The following ACBD6 variants were observed in gnomAD, a reference collection of about 807,000 sequenced individuals.
ACBD6 encodes acyl-CoA binding domain containing 6, also known as acyl-CoA-binding domain-containing protein 6.
ACBD6 carries 28 observed loss-of-function variants against 37.2 expected under a neutral mutation model. The ratio of observed to expected loss-of-function variants is 0.75; its 90% CI spans 0.56 to 1.03. ACBD6 has a LOEUF of 1.03. ACBD6 is among the 50% of genes least tolerant of loss of function. The pLI, the probability that ACBD6 is intolerant of heterozygous loss-of-function variation, is 0.00. For missense variants in ACBD6, 340 were observed against 337.4 expected, an observed-to-expected ratio of 1.01 and a Z score of -0.06; for synonymous variants, 113 against 126.8, an observed-to-expected ratio of 0.89 and a Z score of 0.73.
At chr1:180,430,828 G>A (rs972469263) in intron 3 of ACBD6, among the ~76,000 whole-genome samples, 4 of 151,932 alleles carry the variant, frequency 2.6e-5, no homozygotes, top group African/African-American at 7.3e-5. Context: ...GATTCAACAC[G>A]TCTTGCCCCT....
At chr1:180,373,573 C>A (rs1653335833) in intron 6 of ACBD6, among the ~76,000 whole-genome samples, 1 of 152,062 alleles carries the variant, frequency 6.6e-6, no homozygotes, top group African/African-American at 2.4e-5. Context: ...ATGTTTAACC[C>A]ATAATCCATT....
intron 6 of ACBD6, among the ~76,000 whole-genome samples, chr1:180,375,573 G>A (rs1243514883): frequency 6.6e-6 from 1 of 152,112 alleles, no homozygotes; most frequent in African/African-American, 2.4e-5. Context: ...GGATCATCCT[G>A]CCTTGACCTC....
intron 6 of ACBD6, among the ~76,000 whole-genome samples, chr1:180,323,448 GTTTC>G (rs1651149436): frequency 6.6e-6 from 1 of 151,980 alleles, no homozygotes; most frequent in Admixed American, 6.5e-5. Flanking sequence ...TAAGTCTGAT[GTTTC>G]TTTGATTTTC....
intron 2 of ACBD6, among the ~76,000 whole-genome samples, chr1:180,493,386 C>T (rs542436862): frequency 1.2e-3 from 180 of 152,094 alleles, no homozygotes; most frequent in African/African-American, 3.9e-3. Flanking sequence ...CATCTACCCC[C>T]CTGCCCCCAC....
intron 6 of ACBD6, among the ~76,000 whole-genome samples, chr1:180,393,631 T>A (rs1654156003): frequency 1.3e-5 from 2 of 152,196 alleles, no homozygotes; most frequent in African/African-American, 4.8e-5. Context: ...GAAAAGCGTT[T>A]TCAATAACAA....
chr1:180,434,015 TCTC>T (rs1339782928), intron 3 of ACBD6, among the ~76,000 whole-genome samples: 2 of 151,966 alleles, frequency 1.3e-5, no homozygotes, highest in Non-Finnish European at 2.9e-5. Flanking sequence ...ACCCTACACA[TCTC>T]CTTGTAAACC....
chr1:180,270,248 G>A (rs1334973442), exon 14 of ACBD6: 1 of 152,264 alleles, frequency 6.6e-6, no homozygotes. Flanking sequence ...GCTAACACAT[G>A]TTGGCTACTA....
chr1:180,443,090 G>C (rs991168147), intron 3 of ACBD6, among the ~76,000 whole-genome samples: 1 of 151,846 alleles, frequency 6.6e-6, no homozygotes, highest in Non-Finnish European at 1.5e-5. Context: ...GGATTTTGTT[G>C]TGTTCCTTTA....
At chr1:180,279,668 C>T (rs1456886431) in intron 9 of ACBD6, among the ~76,000 whole-genome samples, 1 of 152,102 alleles carries the variant, frequency 6.6e-6, no homozygotes, top group East Asian at 1.9e-4. Flanking sequence ...ATGCAAATGT[C>T]TATATTTACA....
At chr1:180,326,857 G>A (rs756069347) in intron 6 of ACBD6, among the ~76,000 whole-genome samples, 1 of 152,130 alleles carries the variant, frequency 6.6e-6, no homozygotes, top group African/African-American at 2.4e-5. Context: ...TGGGAGGTAG[G>A]CCGTGGAATG....
chr1:180,391,356 A>G (rs368415556), intron 6 of ACBD6, among the ~76,000 whole-genome samples: 40 of 152,188 alleles, frequency 2.6e-4, no homozygotes, highest in African/African-American at 9.4e-4. Flanking sequence ...CTATCAAGCA[A>G]GTAAAAACAC....
At chr1:180,338,214 A>G (rs1201221352) in intron 6 of ACBD6, among the ~76,000 whole-genome samples, 3 of 152,204 alleles carry the variant, frequency 2.0e-5, no homozygotes, top group African/African-American at 4.8e-5. Context: ...AAAAGAGCCC[A>G]CATTGCCAAG....
At chr1:180,441,825 C>T (rs998373630) in intron 3 of ACBD6, among the ~76,000 whole-genome samples, 3 of 152,060 alleles carry the variant, frequency 2.0e-5, no homozygotes, top group African/African-American at 4.8e-5. Flanking sequence ...ATCATGTCAC[C>T]GATTAACATT....
intron 6 of ACBD6, among the ~76,000 whole-genome samples, chr1:180,340,168 C>T (rs892056956): frequency 2.6e-5 from 4 of 152,066 alleles, no homozygotes; most frequent in African/African-American, 9.7e-5. Flanking sequence ...GGCCAGATGG[C>T]ATAGGGCCTA....
chr1:180,470,741 G>A (rs995764312), intron 3 of ACBD6, among the ~76,000 whole-genome samples: 5 of 152,128 alleles, frequency 3.3e-5, no homozygotes, highest in Non-Finnish European at 5.9e-5. Flanking sequence ...AACTATTTGC[G>A]TACCAACAAG....
At position 180,397,165 on chromosome 1, in the gene ACBD6, T is replaced by A. The variant is rs889558891; in HGVS notation, c.663+351A>T. Among the ~76,000 whole-genome samples, 4 of 152,194 alleles carry A rather than the reference T, an allele frequency of 2.6e-5. No individual in the cohort carries two copies. In the East Asian group the frequency reaches 7.7e-4, roughly 29 times the overall value. ...ATATAGATACACCTTCAAAACTTTA[T>A]GCTAAGTAAAAGAAGTCAAACACAA... On this transcript the variant is annotated intron_variant, in intron 6 of 7. Coordinates refer to ENST00000367595, the MANE Select transcript of ACBD6 (RefSeq NM_032360.4).
intron 3 of ACBD6, chr1:180,435,575 T>TC: frequency 2.9e-6 from 3 of 1,034,124 alleles, no homozygotes; most frequent in Non-Finnish European, 4.4e-6. Flanking sequence ...GACTGCAAAG[T>TC]CCCGAGTAAC....
chr1:180,296,484 C>T (rs1649924050), intron 7 of ACBD6, among the ~76,000 whole-genome samples: 1 of 152,052 alleles, frequency 6.6e-6, no homozygotes, highest in South Asian at 2.1e-4. Context: ...GGTTGGAGTG[C>T]AGTGTTGCGA....
intron 3 of ACBD6, among the ~76,000 whole-genome samples, chr1:180,472,584 A>C (rs558745377): frequency 1.2e-4 from 19 of 152,190 alleles, no homozygotes; most frequent in Non-Finnish European, 2.2e-4. Context: ...AATAAAATCT[A>C]AATCAGTTTT....
Sources: allele counts gnomAD v4.1 joint callset (sites outside exome capture counted in the v4.1 genomes callset), GRCh38; gene constraint gnomAD v4.1.1; transcripts MANE v1.5; gene names NCBI Gene and HGNC (gene_info 2026-07-23, HGNC 2026-07-21).